MCF2L: variants seen among roughly 807,000 people sequenced by gnomAD.
MCF2L encodes guanine nucleotide exchange factor DBS.
MCF2L carries 97 observed loss-of-function variants against 153.4 expected under a neutral mutation model. That is an observed-to-expected ratio of 0.63 (90% CI 0.54 to 0.75). The LOEUF is 0.75. Ranked by LOEUF, MCF2L falls within the 30% of genes least tolerant of loss-of-function variation. MCF2L has a pLI of 0.00. For synonymous variants in MCF2L, 659 were observed against 632.2 expected (o/e 1.04, Z -0.64); for missense variants, 1,347 against 1,495.2 (o/e 0.90, Z 1.64).
intron 2 of MCF2L, among the ~76,000 whole-genome samples, chr13:112,948,525 A>C (rs2081659996): frequency 6.6e-6 from 1 of 152,234 alleles, no homozygotes; most frequent in Non-Finnish European, 1.5e-5. Context: ...AATTCAGTCA[A>C]GTTTTTTGCC....
Position 113,077,224 on chromosome 13 carries a change from G to A in MCF2L, c.1660+13G>A, listed in dbSNP as rs757293054. ...TGCCCCTCCCCAGGTCTGTGTGGCC[G>A]CCCGGTGCCCCGGGTGCTGTGGGAC... On this transcript the variant is annotated intron_variant, in intron 13 of 29. Coordinates refer to ENST00000535094, the MANE Select transcript of MCF2L (RefSeq NM_001112732.3). 2.3e-5 allele frequency: 35 copies of A among 1,537,140 alleles called. No homozygotes were observed. The highest frequency in any genetic ancestry group is 2.1e-4 in the South Asian group (17 of 82,552).
rs760540422 is a variant in MCF2L, at chr13:113,074,849, G to A, written c.1117-149G>A. ...GAAGCACTTGCCACAGAACAGCTTC[G>A]GGGATTAAGCAGCATCTCAGGCATC... On this transcript the variant is annotated intron_variant, in intron 10 of 29. Transcript: ENST00000535094. This position sits in a 1 kb window ranked among gnomAD's most constrained non-coding sequence, Gnocchi z 4.2. 5.9e-5 allele frequency: 48 copies of A among 819,986 alleles called. No homozygotes were observed. Among genetic ancestry groups the A allele is most frequent in the East Asian group, 1.0e-4 (4 of 38,696 alleles). 50.8% of individuals were successfully genotyped at this position (819,986 alleles called of 1,614,324 possible).
At chr13:112,902,320 G>A (rs1196888985) in exon 2 of MCF2L, 2 of 1,612,932 alleles carry the variant, frequency 1.2e-6, no homozygotes, top group Admixed American at 1.7e-5. Flanking sequence ...TGATGTGTCT[G>A]ACGTCATCAG....
chr13:112,921,758 A>C (rs1414509392), intron 2 of MCF2L, among the ~76,000 whole-genome samples: 4 of 152,210 alleles, frequency 2.6e-5, no homozygotes, highest in Non-Finnish European at 5.9e-5. Context: ...AACAAAACAA[A>C]AATGCCGCTA....
At chr13:112,952,287 C>T (rs1220858778) in intron 2 of MCF2L, among the ~76,000 whole-genome samples, 2 of 152,184 alleles carry the variant, frequency 1.3e-5, no homozygotes, top group Non-Finnish European at 2.9e-5. Flanking sequence ...ACTGAAGCCT[C>T]CTCTGGTTCA....
At chr13:113,013,002 G>A (rs1023686198) in intron 1 of MCF2L, among the ~76,000 whole-genome samples, 6 of 152,046 alleles carry the variant, frequency 3.9e-5, no homozygotes, top group Non-Finnish European at 7.4e-5. Flanking sequence ...ACTGTGATGC[G>A]GACGGTGCCC....
rs140472320 is a variant in MCF2L at position 112,981,169 on chromosome 13, C to T, written c.79+11711C>T. Among the ~76,000 whole-genome samples the T allele has an allele frequency of 8.0e-3, 1,170 of 146,860 alleles. 12 individuals carry two copies. Among genetic ancestry groups the T allele is most frequent in the Non-Finnish European group, 0.012 (816 of 66,266 alleles). On this transcript the variant is annotated intron_variant, in intron 1 of 29. Coordinates refer to ENST00000535094, the MANE Select transcript of MCF2L (RefSeq NM_001112732.3). ...GAGACCCTGACATGTCCCCTTCCTG[C>T]GCACTGGGGACCCCGACACGTCCCC...
rs1361594906 is a variant in MCF2L at position 113,027,354 on chromosome 13, A to T, written c.278+2596A>T. Among the ~76,000 whole-genome samples the T allele has an allele frequency of 1.3e-5, 2 of 151,820 alleles. No individual in the cohort carries two copies. Among genetic ancestry groups the T allele is most frequent in the African/African-American group, 4.8e-5 (2 of 41,292 alleles). ...GGGAGAGCGGTGGGCACCTCTGTCC[A>T]CTTGGCGGGTTGAGGTGGGAGCTGG... On this transcript the variant is annotated intron_variant, in intron 3 of 29. Coordinates refer to ENST00000535094, the MANE Select transcript of MCF2L (RefSeq NM_001112732.3). This position sits in a 1 kb window ranked among gnomAD's most constrained non-coding sequence, Gnocchi z 4.8.
chr13:113,096,431 G>T lies in MCF2L; in HGVS notation c.3136G>T (p.Val1046Leu), dbSNP rs924587033. 8 of 1,596,344 alleles carry T rather than the reference G, an allele frequency of 5.0e-6. No homozygotes were observed. Among genetic ancestry groups the T allele is most frequent in the Admixed American group, 3.5e-5 (2 of 57,808 alleles). ...GAAGGGAGGCCCCGATGCGCTGCGC[G>T]TGAGGAGCGGGGACGTGGTGGAGCT... ...HEKGGPDALR[V>L]RSGDVVELVQ... Residue 1046 changes from valine (V) to leucine (L), a missense_variant, in exon 28 of 30, where the codon GTG becomes TTG. Val to Leu is a conservative substitution (Grantham distance 32). This residue lies in a region of MCF2L where 383 missense variants were observed against 335.4 expected (regional missense o/e 1.14). Coordinates refer to ENST00000535094, the MANE Select transcript of MCF2L (RefSeq NM_001112732.3).
chr13:113,030,387 G>A (rs1279360698), intron 3 of MCF2L, among the ~76,000 whole-genome samples: 1 of 146,324 alleles, frequency 6.8e-6, no homozygotes, highest in African/African-American at 2.6e-5. Flanking sequence ...GGGCCCTCGG[G>A]TGTCCGCCGA....
intron 1 of MCF2L, among the ~76,000 whole-genome samples, chr13:112,972,359 GTGGATGGA>G (rs72104689): frequency 0.52 from 71,843 of 136,940 alleles, 19,135 homozygotes; most frequent in Non-Finnish European, 0.61. Context: ...GTGTAAGTGG[GTGGATGGA>G]TGGATGGATG....
rs1316118130 is a variant in MCF2L at position 113,014,816 on chromosome 13, C to G, written c.133C>G (p.Gln45Glu). ...GCTCTGTGCTGCCGACATCCAGGAC[C>G]AGCTAAAGAAGCGCTTTGCTTACCT... ...VPLCAADIQD[Q>E]LKKRFAYLSG... Residue 45 changes from glutamine (Q) to glutamate (E), a missense_variant, in exon 2 of 30, where the codon CAG (glutamine) becomes GAG (glutamate). Gln to Glu is a conservative substitution (Grantham distance 29). Transcript: ENST00000535094. 1 of 1,614,082 alleles carries G rather than the reference C, an allele frequency of 6.2e-7. No individual in the cohort carries two copies. The highest frequency in any genetic ancestry group is 2.2e-5 in the East Asian group (1 of 44,884).
Position 113,004,126 on chromosome 13 carries a change from G to A in MCF2L, c.80-10637G>A, listed in dbSNP as rs573820073. On this transcript the variant is annotated intron_variant, in intron 1 of 29. Coordinates refer to ENST00000535094, the MANE Select transcript of MCF2L (RefSeq NM_001112732.3). ...TTCCCTCGTGGCTGGTGCAGGCCAC[G>A]CCTCCCCCCGGCCCAGCGAGTAGGG... 3.9e-5 allele frequency among the ~76,000 whole-genome samples: 6 copies of A among 152,306 alleles called. No individual in the cohort carries two copies. In the South Asian group the frequency reaches 8.3e-4, roughly 21 times the overall value.
At chr13:113,020,524 G>C (rs56923222) in intron 2 of MCF2L, among the ~76,000 whole-genome samples, 3 of 152,214 alleles carry the variant, frequency 2.0e-5, no homozygotes, top group African/African-American at 7.2e-5. Flanking sequence ...AGGAAGTCCC[G>C]GATGAAGGCA....
chr13:113,061,746 T>C (rs2031485679), intron 5 of MCF2L, among the ~76,000 whole-genome samples: 1 of 58,770 alleles, frequency 1.7e-5, no homozygotes, highest in East Asian at 7.3e-4. Context: ...CCTCTTCCCT[T>C]TCCCCTCCCT....
intron 12 of MCF2L, 139 bp from the exon 13 acceptor site, chr13:113,076,913 T>C: frequency 2.1e-6 from 2 of 945,316 alleles, no homozygotes; most frequent in Non-Finnish European, 3.1e-6. Context: ...TGGACACAGC[T>C]GCGCTGCGCT....
intron 2 of MCF2L, 71 bp from the exon 3 acceptor site, chr13:113,024,573 G>A (rs1216048409): frequency 5.6e-6 from 5 of 900,896 alleles, no homozygotes; most frequent in Non-Finnish European, 5.5e-6. Flanking sequence ...TGATGAAAAC[G>A]GGCCGACATC....
At chr13:112,902,358 G>C (rs574905114) in exon 2 of MCF2L, 2 of 1,612,430 alleles carry the variant, frequency 1.2e-6, no homozygotes, top group Non-Finnish European at 1.7e-6. Context: ...CGGAGGCGAC[G>C]GCCATGGCCA....
intron 26 of MCF2L, chr13:113,090,427 T>C: frequency 1.0e-6 from 1 of 984,536 alleles, no homozygotes; most frequent in Non-Finnish European, 1.2e-6. Context: ...GCCCCCTCCT[T>C]CCTCTCCCTG....
Sources: gnomAD v4.1 joint callset for allele counts (sites outside exome capture counted in the v4.1 genomes callset) on GRCh38, gnomAD v4.1.1 for gene constraint, gnomAD v4.1.1 regional missense constraint, Gnocchi (gnomAD v3.1) non-coding constraint, MANE v1.5 for transcripts, NCBI Gene and HGNC (gene_info 2026-07-23, HGNC 2026-07-21) for gene names.